Variants in ARHGAP42 observed in about 807,000 individuals in gnomAD.
The protein encoded by ARHGAP42 is Rho GTPase activating protein 42, also known as rho GTPase-activating protein 42.
ARHGAP42 carries 63 observed loss-of-function variants against 125.0 expected under a neutral mutation model. The ratio of observed to expected loss-of-function variants is 0.50; its 90% CI spans 0.41 to 0.62. ARHGAP42 has a LOEUF of 0.62. Among genes scored for constraint, ARHGAP42 ranks in the 20% least tolerant of loss-of-function variants. The pLI is 0.00. For missense variants in ARHGAP42, 766 were observed against 1,024.2 expected (o/e 0.75, Z 3.44); for synonymous variants, 339 against 351.0 (o/e 0.97, Z 0.38).
intron 16 of ARHGAP42, among the ~76,000 whole-genome samples, chr11:100,963,030 A>C (rs1286739057): frequency 2.6e-5 from 4 of 152,212 alleles, no homozygotes; most frequent in Non-Finnish European, 5.9e-5. Flanking sequence ...ACCATGAGGA[A>C]TTATTATTCT....
At chr11:100,955,201 A>G (rs1334970708) in intron 12 of ARHGAP42, among the ~76,000 whole-genome samples, 2 of 149,672 alleles carry the variant, frequency 1.3e-5, no homozygotes, top group Non-Finnish European at 3.0e-5. Context: ...TAAGGTTTTA[A>G]TAAAAGCTTT....
At chr11:100,777,194 A>T (rs183934281) in intron 2 of ARHGAP42, among the ~76,000 whole-genome samples, 4 of 152,304 alleles carry the variant, frequency 2.6e-5, no homozygotes, top group African/African-American at 7.2e-5. Flanking sequence ...AAGGTATAGC[A>T]GGTTAAAATA....
intron 3 of ARHGAP42, among the ~76,000 whole-genome samples, chr11:100,851,696 A>G (rs867265277): frequency 3.3e-5 from 5 of 151,904 alleles, no homozygotes; most frequent in African/African-American, 9.7e-5. Context: ...CATGTATACA[A>G]TGTTTGCACG....
intron 4 of ARHGAP42, among the ~76,000 whole-genome samples, chr11:100,889,066 T>A (rs1866159528): frequency 6.6e-6 from 1 of 152,210 alleles, no homozygotes. Flanking sequence ...TTAACATCCT[T>A]GGAACATAAG....
At chr11:100,909,938 C>A (rs1271230313) in intron 4 of ARHGAP42, among the ~76,000 whole-genome samples, 1 of 152,122 alleles carries the variant, frequency 6.6e-6, no homozygotes, top group African/African-American at 2.4e-5. Flanking sequence ...ATTTTAAGAG[C>A]AAAGTTGACG....
At chr11:100,780,605 G>A (rs1049320773) in intron 2 of ARHGAP42, among the ~76,000 whole-genome samples, 4 of 152,200 alleles carry the variant, frequency 2.6e-5, no homozygotes, top group Admixed American at 6.5e-5. Flanking sequence ...TTCTGTAAGA[G>A]CGACATTGTT....
In ARHGAP42 at chr11:100,933,267, G is replaced by A; in HGVS notation, c.702+7G>A. 5.2e-6 allele frequency: 8 copies of A among 1,528,324 alleles called. No individual in the cohort carries two copies. Among genetic ancestry groups the A allele is most frequent in the African/African-American group, 1.4e-5 (1 of 72,516 alleles). 94.7% of individuals were successfully genotyped at this position (1,528,324 alleles called of 1,614,324 possible). A position where few individuals can be genotyped will look rare whatever the true frequency, so the allele number is the denominator to read the frequency against. ...GCAGTTCAACTTGCAGAATGTAAGA[G>A]TATACCTGTTCTTACTGTCTCTCAG... On this transcript the variant is annotated splice_region_variant and intron_variant, in intron 7 of 23. Transcript: ENST00000298815.
chr11:100,968,351 G>A (rs1304294705), intron 17 of ARHGAP42, among the ~76,000 whole-genome samples: 2 of 151,882 alleles, frequency 1.3e-5, no homozygotes, highest in African/African-American at 4.8e-5. Context: ...TTTTCTATAT[G>A]TTTCATGTTG....
chr11:100,979,139 C>G, intron 22 of ARHGAP42, 90 bp downstream of exon 22: 1 of 1,288,020 alleles, frequency 7.8e-7, no homozygotes, highest in Non-Finnish European at 1.1e-6. Flanking sequence ...ACAGCTCCGC[C>G]TCTCCATTAT....
At chr11:100,760,181 C>G (rs1862669548) in intron 1 of ARHGAP42, among the ~76,000 whole-genome samples, 5 of 152,160 alleles carry the variant, frequency 3.3e-5, no homozygotes, top group Admixed American at 2.6e-4. Flanking sequence ...CTGTGCATAC[C>G]TCTCTATTTG....
At chr11:100,855,046 C>A (rs986111405) in intron 3 of ARHGAP42, among the ~76,000 whole-genome samples, 1 of 152,076 alleles carries the variant, frequency 6.6e-6, no homozygotes, top group Non-Finnish European at 1.5e-5. Flanking sequence ...ATATTGACAT[C>A]TCAACAGGAA....
Position 100,992,323 on chromosome 11 carries a change from C to T in ARHGAP42, c.*3522C>T, listed in dbSNP as rs1262594817. The T allele has an allele frequency of 3.1e-5, 49 of 1,605,110 alleles. No homozygotes were observed. The highest frequency in any genetic ancestry group is 4.0e-5 in the Non-Finnish European group (47 of 1,176,368). On this transcript the variant is annotated 3_prime_UTR_variant, in exon 24 of 24. Transcript: ENST00000298815. Reference sequence around the variant, plus strand: ...CAGCTGTTAGCATGACCTCACATCACTGCGTAGGACCCGGAAATCACATCT... The same window carrying T: ...CAGCTGTTAGCATGACCTCACATCATTGCGTAGGACCCGGAAATCACATCT...
At chr11:100,972,364 G>C (rs926264718) in intron 17 of ARHGAP42, among the ~76,000 whole-genome samples, 4 of 152,146 alleles carry the variant, frequency 2.6e-5, no homozygotes, top group African/African-American at 9.7e-5. Context: ...AGTCAAAGTC[G>C]TTCTTGAGAG....
At chr11:100,803,036 C>G (rs1172920628) in intron 3 of ARHGAP42, among the ~76,000 whole-genome samples, 4 of 152,070 alleles carry the variant, frequency 2.6e-5, no homozygotes, top group East Asian at 1.9e-4. Context: ...AAACATTAAA[C>G]AAATTATGTC....
At chr11:100,930,133 G>A (rs867077960) in intron 6 of ARHGAP42, among the ~76,000 whole-genome samples, 4 of 152,062 alleles carry the variant, frequency 2.6e-5, no homozygotes, top group African/African-American at 9.7e-5. Flanking sequence ...TTGTTATTAC[G>A]GTTACTGTTA....
In ARHGAP42 at chr11:100,991,680, T is replaced by A. The variant is rs1041374905; in HGVS notation, c.*2879T>A. ...TTTTCTGTTGTGTTATGTGTAAATGTCTGAACAGTAAAATCATCTGTGTAT... is the reference window on the plus strand; with the variant it reads ...TTTTCTGTTGTGTTATGTGTAAATGACTGAACAGTAAAATCATCTGTGTAT... On this transcript the variant is annotated 3_prime_UTR_variant, in exon 24 of 24. Transcript: ENST00000298815. 2 of 152,210 alleles carry A rather than the reference T, an allele frequency of 1.3e-5. No homozygotes were observed. The highest frequency in any genetic ancestry group is 1.9e-4 in the East Asian group (1 of 5,194). 9.4% of individuals were successfully genotyped at this position (152,210 alleles called of 1,614,324 possible).
At chr11:100,980,629 G>T (rs371067302) in intron 22 of ARHGAP42, among the ~76,000 whole-genome samples, 4 of 129,726 alleles carry the variant, frequency 3.1e-5, no homozygotes, top group African/African-American at 1.2e-4. Context: ...GGAGTGCAGT[G>T]GTGCGATCTT....
intron 1 of ARHGAP42, among the ~76,000 whole-genome samples, chr11:100,704,635 C>A (rs1861449401): frequency 6.6e-6 from 1 of 150,676 alleles, no homozygotes; most frequent in Non-Finnish European, 1.5e-5. Context: ...AACAAGGATG[C>A]AGAAGCAAGA....
intron 1 of ARHGAP42, among the ~76,000 whole-genome samples, chr11:100,688,385 T>C (rs1047256582): frequency 2.6e-5 from 4 of 152,250 alleles, no homozygotes; most frequent in African/African-American, 2.4e-5. Context: ...ATTTTAACTC[T>C]GCAAGTTTTC....
Sources: gnomAD v4.1 joint callset for allele counts (sites outside exome capture counted in the v4.1 genomes callset) on GRCh38, gnomAD v4.1.1 for gene constraint, MANE v1.5 for transcripts, NCBI Gene and HGNC (gene_info 2026-07-23, HGNC 2026-07-21) for gene names.